FAM78B: variants seen among roughly 807,000 people sequenced by gnomAD.
FAM78B encodes the protein family with sequence similarity 78 member B, also known as protein FAM78B.
Under a neutral mutation model 20.0 loss-of-function variants are expected in FAM78B, and 10 were observed. The ratio of observed to expected loss-of-function variants is 0.50; its 90% confidence interval spans 0.31 to 0.85. The LOEUF (loss-of-function observed/expected upper bound fraction) is 0.85. Among genes scored for constraint, FAM78B ranks in the 40% least tolerant of loss-of-function variants. The pLI, the probability that FAM78B is intolerant of heterozygous loss-of-function variation, is 0.05. For synonymous variants in FAM78B, 135 were observed against 132.8 expected, an observed-to-expected ratio of 1.02 and a Z score of -0.12; for missense variants, 283 against 345.0, an observed-to-expected ratio of 0.82 and a Z score of 1.42.
At chr1:166,140,692 G>A (rs1655245324) in intron 1 of FAM78B, among the ~76,000 whole-genome samples, 1 of 152,138 alleles carries the variant, frequency 6.6e-6, no homozygotes, top group African/African-American at 2.4e-5. Context: ...AAAATAGTGT[G>A]GTTTGTTGAG....
At chr1:166,164,576 G>C (rs74118984) in intron 1 of FAM78B, among the ~76,000 whole-genome samples, 9,938 of 152,202 alleles carry the variant, frequency 0.065, 633 homozygotes, top group Admixed American at 0.14. Flanking sequence ...TTTTCTCAAG[G>C]ATTAAGCTTT....
In FAM78B at chr1:166,101,993, A is replaced by G. The variant is rs554799341; in HGVS notation, c.264-31230T>C. Among the ~76,000 whole-genome samples the G allele has an allele frequency of 1.1e-3, 166 of 152,366 alleles. 4 individuals carry two copies. In the South Asian group the frequency reaches 0.033, roughly 30 times the overall value. ...GGTTACCCACAGAGGGAAGCCCATC[A>G]GACTAACAGCTGAACTCTCGGCAGA... On this transcript the variant is annotated intron_variant, in intron 1 of 1. Transcript: ENST00000354422.
intron 1 of FAM78B, among the ~76,000 whole-genome samples, chr1:166,124,751 G>A (rs180916966): frequency 2.8e-4 from 43 of 152,336 alleles, no homozygotes; most frequent in Non-Finnish European, 5.4e-4. Context: ...AGAACTGAAC[G>A]GAACCTCCTC....
At chr1:166,060,338 G>C in exon 3 of FAM78B, 2 of 332,554 alleles carry the variant, frequency 6.0e-6, no homozygotes, top group South Asian at 4.6e-5. Context: ...TTGGGGAAAG[G>C]ACTTGGGATC....
intron 1 of FAM78B, among the ~76,000 whole-genome samples, chr1:166,118,143 C>A (rs75814648): frequency 1.3e-5 from 2 of 152,142 alleles, no homozygotes; most frequent in Non-Finnish European, 2.9e-5. Context: ...GAAAGTTACA[C>A]GGAAGCAGAT....
At chr1:166,109,894 A>ATATGTATG (rs1397051064) in intron 1 of FAM78B, among the ~76,000 whole-genome samples, 1 of 57,774 alleles carries the variant, frequency 1.7e-5, no homozygotes. Context: ...ATATATGTAT[A>ATATGTATG]TATATATATA....
In FAM78B at chr1:166,070,194, C is replaced by T. The variant is rs375630314; in HGVS notation, c.*47G>A. The T allele has an allele frequency of 2.1e-6, 3 of 1,460,978 alleles. No individual in the cohort carries two copies. The highest frequency in any genetic ancestry group is 2.8e-5 in the African/African-American group (2 of 71,156). 90.5% of individuals were successfully genotyped at this position (1,460,978 alleles called of 1,614,324 possible). ...CCTGCCACCCCTGGCACCCTCACTGCATGTCTCAGAGGCGTGTGATCCACA... is the reference window on the plus strand; with the variant it reads ...CCTGCCACCCCTGGCACCCTCACTGTATGTCTCAGAGGCGTGTGATCCACA... On this transcript the variant is annotated 3_prime_UTR_variant, in exon 2 of 2. Coordinates refer to ENST00000354422, the MANE Select transcript of FAM78B (RefSeq NM_001017961.5).
intron 1 of FAM78B, among the ~76,000 whole-genome samples, chr1:166,136,421 G>A (rs980148160): frequency 2.0e-5 from 3 of 152,070 alleles, no homozygotes; most frequent in Admixed American, 6.6e-5. Flanking sequence ...TGGCCCCCAT[G>A]AGCGGATCAG....
At chr1:166,085,291 G>A (rs1254919551) in intron 1 of FAM78B, among the ~76,000 whole-genome samples, 2 of 152,284 alleles carry the variant, frequency 1.3e-5, no homozygotes, top group South Asian at 4.1e-4. Flanking sequence ...AATGAACACT[G>A]AGCATAGTTG....
chr1:166,128,214 T>TATTC (rs3086097), intron 1 of FAM78B, among the ~76,000 whole-genome samples: 146,179 of 152,124 alleles, frequency 0.96, 70,427 homozygotes, highest in Middle Eastern at 1. Context: ...CTCTTTTATT[T>TATTC]ATTCATTCAT....
rs1274176169 is a variant in FAM78B at position 166,109,882 on chromosome 1, GTATA to G, written c.264-39123_264-39120del. On this transcript the variant is annotated intron_variant, in intron 1 of 1. Coordinates refer to ENST00000354422, the MANE Select transcript of FAM78B (RefSeq NM_001017961.5). ...TATATGTATGTGTATATATATATAT[GTATA>G]TATGTATATATATATATATATATAT... Among the ~76,000 whole-genome samples, 92 of 12,262 alleles carry G rather than the reference GTATA, an allele frequency of 7.5e-3. 12 individuals carry two copies. Among genetic ancestry groups the G allele is most frequent in the Non-Finnish European group, 0.02 (82 of 4,082 alleles). The allele number at this position is 12,262 out of a possible 152,430, so 8.0% of individuals were successfully genotyped here. A position where few individuals can be genotyped will look rare whatever the true frequency, so the allele number is the denominator to read the frequency against.
chr1:166,161,068 T>C (rs973230738), intron 1 of FAM78B, among the ~76,000 whole-genome samples: 1 of 152,026 alleles, frequency 6.6e-6, no homozygotes, highest in Admixed American at 6.5e-5. Flanking sequence ...ACGTTCTGAG[T>C]TGGGATAAAG....
At chr1:166,094,003 C>G (rs1437657541) in intron 1 of FAM78B, among the ~76,000 whole-genome samples, 3 of 125,520 alleles carry the variant, frequency 2.4e-5, no homozygotes, top group African/African-American at 6.2e-5. Context: ...TTGCGAATGA[C>G]TGTGTGTGTG....
intron 1 of FAM78B, among the ~76,000 whole-genome samples, chr1:166,151,535 C>G (rs1438005095): frequency 6.6e-6 from 1 of 152,210 alleles, no homozygotes; most frequent in Non-Finnish European, 1.5e-5. Flanking sequence ...TCCTGCTTTT[C>G]TTGGCTCAGC....
chr1:166,116,675 A>G (rs1244093842), intron 1 of FAM78B, among the ~76,000 whole-genome samples: 1 of 152,208 alleles, frequency 6.6e-6, no homozygotes, highest in Admixed American at 6.5e-5. Flanking sequence ...CGAGGCTTTA[A>G]TGTATTTCAT....
Position 166,163,289 on chromosome 1 carries a change from G to T in FAM78B, c.263+2697C>A, listed in dbSNP as rs149712026. On this transcript the variant is annotated intron_variant, in intron 1 of 1. Transcript: ENST00000354422. Reference sequence around the variant, plus strand: ...CAGCCTGGTTTCTATAGAATCATTCGAGGAAGTGCCATGGAAATGAGTTCA... The same window carrying T: ...CAGCCTGGTTTCTATAGAATCATTCTAGGAAGTGCCATGGAAATGAGTTCA... Among the ~76,000 whole-genome samples the T allele has an allele frequency of 2.5e-3, 376 of 152,322 alleles. 1 individual carries two copies. Among genetic ancestry groups the T allele is most frequent in the African/African-American group, 8.6e-3 (356 of 41,566 alleles).
intron 1 of FAM78B, among the ~76,000 whole-genome samples, chr1:166,116,422 G>A (rs993339734): frequency 1.1e-4 from 17 of 152,188 alleles, no homozygotes; most frequent in African/African-American, 3.4e-4. Flanking sequence ...GCTCTGTCCA[G>A]GGCAACATTT....
At chr1:166,107,987 C>T (rs1458176821) in intron 1 of FAM78B, among the ~76,000 whole-genome samples, 3 of 152,118 alleles carry the variant, frequency 2.0e-5, no homozygotes, top group Non-Finnish European at 4.4e-5. Context: ...ATACAAGGGA[C>T]ATACCTTAAT....
chr1:166,065,740 G>A (rs912957623), downstream of FAM78B, among the ~76,000 whole-genome samples: 1 of 152,102 alleles, frequency 6.6e-6, no homozygotes, highest in Non-Finnish European at 1.5e-5. Flanking sequence ...GGAACCAGAT[G>A]TACTCAAGAT....
Sources: gnomAD v4.1 joint callset for allele counts (sites outside exome capture counted in the v4.1 genomes callset) on GRCh38, gnomAD v4.1.1 for gene constraint, MANE v1.5 for transcripts, NCBI Gene and HGNC (gene_info 2026-07-23, HGNC 2026-07-21) for gene names.